The following NALF1 variants were observed in gnomAD, a reference collection of about 807,000 sequenced individuals.
The protein encoded by NALF1 is family with sequence similarity 155 member A.
In NALF1, 3 loss-of-function variants were observed where a neutral mutation model predicts 48.4. The observed-to-expected ratio is 0.06, with a 90% CI of 0.03 to 0.16. The LOEUF is 0.16. NALF1 is among the 10% of genes least tolerant of loss of function. The pLI, the probability that NALF1 is intolerant of heterozygous loss-of-function variation, is 1.00. For missense variants in NALF1, 526 were observed against 571.5 expected (o/e 0.92, Z 0.81); for synonymous variants, 262 against 245.7 (o/e 1.07, Z -0.62).
chr13:107,693,468 T>C (rs1371955319), intron 1 of NALF1, among the ~76,000 whole-genome samples: 1 of 151,950 alleles, frequency 6.6e-6, no homozygotes, highest in Admixed American at 6.6e-5. Context: ...ACTTAAAGTA[T>C]AATAAAAAAT....
intron 1 of NALF1, among the ~76,000 whole-genome samples, chr13:107,688,728 C>T (rs1248725622): frequency 6.6e-6 from 1 of 152,160 alleles, no homozygotes; most frequent in Non-Finnish European, 1.5e-5. Flanking sequence ...CATGTCGAAG[C>T]AGTCCTACCT....
intron 1 of NALF1, among the ~76,000 whole-genome samples, chr13:107,757,256 A>T (rs1035289490): frequency 6.6e-6 from 1 of 152,168 alleles, no homozygotes; most frequent in African/African-American, 2.4e-5. Context: ...TAAGGTAGGA[A>T]GATGGAAGAC....
intron 1 of NALF1, among the ~76,000 whole-genome samples, chr13:107,457,708 A>G (rs1884846758): frequency 6.6e-6 from 1 of 152,204 alleles, no homozygotes; most frequent in African/African-American, 2.4e-5. Flanking sequence ...TTAAAATCTC[A>G]GATAAAGTTG....
At chr13:107,742,185 GCCTTGT>G (rs2138545146) in intron 1 of NALF1, among the ~76,000 whole-genome samples, 1 of 152,110 alleles carries the variant, frequency 6.6e-6, no homozygotes, top group East Asian at 1.9e-4. Context: ...TCCTGCAATC[GCCTTGT>G]CCTTTGATGG....
At chr13:107,811,435 C>T (rs776449849) in intron 1 of NALF1, among the ~76,000 whole-genome samples, 1 of 152,092 alleles carries the variant, frequency 6.6e-6, no homozygotes, top group Non-Finnish European at 1.5e-5. Context: ...GCCTTTTAAT[C>T]TCTGTTACAG....
At chr13:107,623,430 C>CA (rs1444999261) in intron 1 of NALF1, among the ~76,000 whole-genome samples, 2 of 147,662 alleles carry the variant, frequency 1.4e-5, no homozygotes, top group African/African-American at 5.0e-5. Flanking sequence ...GGCTTGGAAA[C>CA]AGAGTAAAGA....
intron 1 of NALF1, among the ~76,000 whole-genome samples, chr13:107,613,496 T>A (rs1260897168): frequency 6.6e-6 from 1 of 152,222 alleles, no homozygotes; most frequent in African/African-American, 2.4e-5. Flanking sequence ...ACCAATTTAC[T>A]ATCAAAATGG....
chr13:107,299,572 G>A (rs1335545697), intron 1 of NALF1, among the ~76,000 whole-genome samples: 2 of 151,186 alleles, frequency 1.3e-5, no homozygotes, highest in Admixed American at 1.3e-4. Context: ...TTGATAAGTG[G>A]ATCTTTCCTG....
At chr13:107,813,971 T>C (rs1349157116) in intron 1 of NALF1, among the ~76,000 whole-genome samples, 1 of 152,124 alleles carries the variant, frequency 6.6e-6, no homozygotes, top group Non-Finnish European at 1.5e-5. Context: ...ATACATAGGT[T>C]TTTGAGCTTA....
At chr13:107,837,911 T>C (rs989191004) in intron 1 of NALF1, among the ~76,000 whole-genome samples, 5 of 147,188 alleles carry the variant, frequency 3.4e-5, no homozygotes, top group African/African-American at 1.2e-4. Flanking sequence ...ATCAATACAG[T>C]ATACAGATTA....
In NALF1 at chr13:107,362,937, T is replaced by G. The variant is rs1404497587; in HGVS notation, c.916-152182A>C. Among the ~76,000 whole-genome samples, 9 of 152,128 alleles carry G rather than the reference T, an allele frequency of 5.9e-5. No individual in the cohort carries two copies. The highest frequency in any genetic ancestry group is 2.6e-4 in the Admixed American group (4 of 15,262). On this transcript the variant is annotated intron_variant, in intron 1 of 2. Coordinates refer to ENST00000375915, the MANE Select transcript of NALF1 (RefSeq NM_001080396.3). The surrounding 1 kb of genome is among the most constrained non-coding windows in gnomAD (Gnocchi z 4.6). The stretch of plus-strand genomic sequence containing the variant: ...AACTATCTTCTTATATCCCTTTTCA[T>G]AGAACTATGATGTCCCCAAGACTCA...
Position 107,362,140 on chromosome 13 carries a change from T to G in NALF1, c.916-151385A>C, listed in dbSNP as rs2138955847. 6.6e-6 allele frequency among the ~76,000 whole-genome samples: 1 copy of G among 152,272 alleles called. No homozygotes were observed. Among genetic ancestry groups the G allele is most frequent in the South Asian group, 2.1e-4 (1 of 4,826 alleles). ...GCTACTGAAATTTGGGGGCTGGTTG[T>G]TACTCGAAAATAATCTACCCTTATT... On this transcript the variant is annotated intron_variant, in intron 1 of 2. Transcript: ENST00000375915. The surrounding 1 kb of genome is among the most constrained non-coding windows in gnomAD (Gnocchi z 4.6).
In NALF1 at chr13:107,168,606, T is replaced by G. The variant is rs904618165; in HGVS notation, c.*1891A>C. ...ATTTTCAGTCTCAACAAAACACTAT[T>G]AAAACAAAGAATCTAGTAAAATATT... On this transcript the variant is annotated 3_prime_UTR_variant, in exon 3 of 3. Coordinates refer to ENST00000375915, the MANE Select transcript of NALF1 (RefSeq NM_001080396.3). 7.9e-5 allele frequency: 12 copies of G among 152,584 alleles called. No individual in the cohort carries two copies. The highest frequency in any genetic ancestry group is 2.9e-5 in the Non-Finnish European group (2 of 68,016). 9.5% of individuals were successfully genotyped at this position (152,584 alleles called of 1,614,324 possible).
At chr13:107,526,938 T>C (rs1156261739) in intron 1 of NALF1, among the ~76,000 whole-genome samples, 2 of 152,160 alleles carry the variant, frequency 1.3e-5, no homozygotes, top group African/African-American at 4.8e-5. Flanking sequence ...TGAGAGCAAG[T>C]ATAGTCTAAC....
chr13:107,360,877 T>C (rs569007773), intron 1 of NALF1, among the ~76,000 whole-genome samples: 126 of 152,256 alleles, frequency 8.3e-4, no homozygotes, highest in African/African-American at 2.9e-3. Flanking sequence ...TCTTATTCTC[T>C]TTTTCTCTTG....
At chr13:107,813,088 C>T (rs1282149509) in intron 1 of NALF1, among the ~76,000 whole-genome samples, 2 of 152,116 alleles carry the variant, frequency 1.3e-5, no homozygotes, top group African/African-American at 4.8e-5. Context: ...AAAGCTTATT[C>T]TCTTTTGCCC....
intron 1 of NALF1, among the ~76,000 whole-genome samples, chr13:107,256,749 C>G (rs181601397): frequency 3.3e-5 from 5 of 152,250 alleles, no homozygotes; most frequent in African/African-American, 1.2e-4. Context: ...GGTTTGACTA[C>G]AGATATAGGA....
At chr13:107,532,681 C>T (rs1244183291) in intron 1 of NALF1, among the ~76,000 whole-genome samples, 1 of 152,022 alleles carries the variant, frequency 6.6e-6, no homozygotes, top group African/African-American at 2.4e-5. Flanking sequence ...TTATAGACCT[C>T]ATTTCAACTT....
In NALF1 at chr13:107,716,429, C is replaced by T. The variant is rs142870745; in HGVS notation, c.915+149253G>A. Reference sequence around the variant, plus strand: ...TAATGCCGAATACAAGAGAGAGGACCGCCTGATTAGCTTTCCCTCCCAATC... The same window carrying T: ...TAATGCCGAATACAAGAGAGAGGACTGCCTGATTAGCTTTCCCTCCCAATC... On this transcript the variant is annotated intron_variant, in intron 1 of 2. Transcript: ENST00000375915. Among the ~76,000 whole-genome samples, 19 of 152,262 alleles carry T rather than the reference C, an allele frequency of 1.2e-4. No individual in the cohort carries two copies. The East Asian group carries it at 3.1e-3, about 25-fold the overall frequency.
Sources: allele counts gnomAD v4.1 joint callset (sites outside exome capture counted in the v4.1 genomes callset), GRCh38; gene constraint gnomAD v4.1.1; non-coding constraint Gnocchi (gnomAD v3.1); transcripts MANE v1.5; gene names NCBI Gene and HGNC (gene_info 2026-07-23, HGNC 2026-07-21).